The following TMEM134 variants were observed in gnomAD, a reference collection of about 807,000 sequenced individuals.
The protein encoded by TMEM134 is transmembrane protein 134.
A neutral mutation model predicts 26.2 loss-of-function variants in TMEM134; 36 were observed. That is an observed-to-expected ratio of 1.37 (90% CI 1.05 to 1.81). TMEM134 has a LOEUF of 1.81. Among genes scored for constraint, TMEM134 ranks in the 40% most tolerant of loss-of-function variants. The pLI is 0.00. For missense variants in TMEM134, 339 were observed against 263.5 expected, an observed-to-expected ratio of 1.29 and a Z score of -1.98; for synonymous variants, 133 against 113.6, an observed-to-expected ratio of 1.17 and a Z score of -1.08.
In TMEM134 at chr11:67,469,048, C is replaced by G. The variant is rs557106778; in HGVS notation, c.145G>C (p.Glu49Gln). The G allele has an allele frequency of 1.1e-5, 17 of 1,514,846 alleles. No individual in the cohort carries two copies. Among genetic ancestry groups the G allele is most frequent in the Non-Finnish European group, 1.2e-5 (14 of 1,132,996 alleles). 93.8% of individuals were successfully genotyped at this position (1,514,846 alleles called of 1,614,324 possible). ...TAGCGCAGCCGGGACTGCTTGTCCTCGTCAGCCACCTCGAACCGGGCCCGA... is the reference window on the plus strand; with the variant it reads ...TAGCGCAGCCGGGACTGCTTGTCCTGGTCAGCCACCTCGAACCGGGCCCGA... ...ERRARFEVAD[E>Q]DKQSRLRYQN... Residue 49 changes from glutamate to glutamine, a missense_variant, in exon 1 of 7, where the codon GAG (glutamate) becomes CAG (glutamine). Transcript: ENST00000308022.
intron 5 of TMEM134, 53 bp from the exon 6 acceptor site, chr11:67,464,909 C>A: frequency 6.3e-7 from 1 of 1,597,544 alleles, no homozygotes; most frequent in East Asian, 2.2e-5. Flanking sequence ...GCTTCGAGGC[C>A]TTCCGGGCTG....
chr11:67,465,103 G>A lies in TMEM134; in HGVS notation c.407-3C>T. The A allele has an allele frequency of 6.3e-7, 1 of 1,581,952 alleles. No homozygotes were observed. Among genetic ancestry groups the A allele is most frequent in the East Asian group, 2.3e-5 (1 of 44,262 alleles). ...TCCCACGCCGACCAGGATCAGCACT[G>A]CACACAGACGGAGCCGCGGGGGTGG... On this transcript the variant is annotated splice_region_variant and splice_polypyrimidine_tract_variant and intron_variant, in intron 4 of 6. Coordinates refer to ENST00000308022, the MANE Select transcript of TMEM134 (RefSeq NM_025124.4).
rs989272637 is a variant in TMEM134, at chr11:67,469,251, C to T, written c.-59G>A. The T allele has an allele frequency of 1.7e-6, 2 of 1,210,668 alleles. No individual in the cohort carries two copies. Among genetic ancestry groups the T allele is most frequent in the Non-Finnish European group, 2.1e-6 (2 of 969,854 alleles). 75.0% of individuals were successfully genotyped at this position (1,210,668 alleles called of 1,614,324 possible). A position where few individuals can be genotyped will look rare whatever the true frequency, so the allele number is the denominator to read the frequency against. On this transcript the variant is annotated 5_prime_UTR_variant, in exon 1 of 7. Coordinates refer to ENST00000308022, the MANE Select transcript of TMEM134 (RefSeq NM_025124.4). ...CCATCTGCGCCCACACACCCAGCGT[C>T]GCCGCTGCCCCGCCCCCGCATGCCC...
At chr11:67,468,113 C>A in intron 1 of TMEM134, 21 bp from the exon 2 acceptor site, 2 of 1,555,186 alleles carry the variant, frequency 1.3e-6, no homozygotes, top group South Asian at 1.2e-5. Flanking sequence ...ACACAGGTCT[C>A]AGGGGGGTTG....
chr11:67,467,411 G>C, intron 3 of TMEM134, 23 bp from the exon 4 acceptor site: 1 of 1,613,582 alleles, frequency 6.2e-7, no homozygotes. Context: ...AGAGCAGGGT[G>C]AATGTGAAGG....
chr11:67,466,877 G>C (rs1182653495), intron 4 of TMEM134: 2 of 209,332 alleles, frequency 9.6e-6, no homozygotes, highest in African/African-American at 2.4e-5. Flanking sequence ...GTGCCCTGCG[G>C]CTCTGCACTG....
At chr11:67,468,150 T>A (rs1865400171) in intron 1 of TMEM134, 58 bp from the exon 2 acceptor site, 2 of 1,491,086 alleles carry the variant, frequency 1.3e-6, no homozygotes, top group Non-Finnish European at 1.8e-6. Flanking sequence ...CCTCACTCCC[T>A]CCCGGGAAGA....
chr11:67,467,659 A>G (rs771737524), intron 2 of TMEM134, 69 bp from the exon 3 acceptor site: 204 of 1,480,214 alleles, frequency 1.4e-4, no homozygotes, highest in Non-Finnish European at 1.9e-4. Context: ...AGGAGTCCTG[A>G]TGAAGTGCAG....
At chr11:67,466,467 TGAG>T (rs2134229274) in intron 4 of TMEM134, 1 of 152,570 alleles carries the variant, frequency 6.6e-6, no homozygotes, top group East Asian at 1.9e-4. Flanking sequence ...CTTGCTGGGT[TGAG>T]GGGAAAAATG....
rs760753620 is a variant in TMEM134 at position 67,464,357 on chromosome 11, G to A, written c.*257C>T. The A allele has an allele frequency of 3.5e-6, 2 of 567,866 alleles. No homozygotes were observed. The highest frequency in any genetic ancestry group is 3.1e-6 in the Non-Finnish European group (1 of 317,646). The allele number at this position is 567,866 out of a possible 1,614,324, so 35.2% of individuals were successfully genotyped here. A position where few individuals can be genotyped will look rare whatever the true frequency, so the allele number is the denominator to read the frequency against. Reference sequence around the variant, plus strand: ...GACAGGAGGAGAGCAATTGCCTCTGGTGGAATTAATTACTCTTTTATTAGC... The same window carrying A: ...GACAGGAGGAGAGCAATTGCCTCTGATGGAATTAATTACTCTTTTATTAGC... On this transcript the variant is annotated 3_prime_UTR_variant, in exon 7 of 7. Coordinates refer to ENST00000308022, the MANE Select transcript of TMEM134 (RefSeq NM_025124.4).
intron 4 of TMEM134, chr11:67,465,368 G>T: frequency 4.6e-6 from 4 of 878,758 alleles, no homozygotes; most frequent in Non-Finnish European, 6.3e-6. Flanking sequence ...GCCTGGTACT[G>T]GGAATTCCGC....
chr11:67,465,015 C>G, intron 5 of TMEM134, 41 bp downstream of exon 5: 1 of 1,511,326 alleles, frequency 6.6e-7, no homozygotes, highest in African/African-American at 1.4e-5. Context: ...GGACACAAGA[C>G]AGGGGTGTCC....
Position 67,469,214 on chromosome 11 carries a change from C to A in TMEM134, c.-22G>T, listed in dbSNP as rs1269820193. 9 of 1,259,096 alleles carry A rather than the reference C, an allele frequency of 7.1e-6. No individual in the cohort carries two copies. The South Asian group carries it at 1.2e-4, about 17-fold the overall frequency. 78.0% of individuals were successfully genotyped at this position (1,259,096 alleles called of 1,614,324 possible). On this transcript the variant is annotated 5_prime_UTR_variant, in exon 1 of 7. Coordinates refer to ENST00000308022, the MANE Select transcript of TMEM134 (RefSeq NM_025124.4). ...TCATGGCCCCGGCCCGCTCAGGCGC[C>A]GTGCGCCGCCGCCATCTGCGCCCAC...
intron 2 of TMEM134, 83 bp from the exon 3 acceptor site, chr11:67,467,673 A>G: frequency 1.5e-6 from 2 of 1,371,372 alleles, no homozygotes; most frequent in South Asian, 2.3e-5. Flanking sequence ...AGTGCAGGGC[A>G]TGGTGCAGGG....
At chr11:67,467,637 T>C (rs1591024012) in intron 2 of TMEM134, 47 bp from the exon 3 acceptor site, 1 of 1,592,046 alleles carries the variant, frequency 6.3e-7, no homozygotes, top group African/African-American at 1.3e-5. Context: ...AAGGACGGGG[T>C]TGCTTTGGGA....
Position 67,464,635 on chromosome 11 carries a change from G to A in TMEM134, c.567C>T (p.Tyr189=), listed in dbSNP as rs200775196. 39 of 1,553,022 alleles carry A rather than the reference G, an allele frequency of 2.5e-5. No homozygotes were observed. In the East Asian group the frequency reaches 6.1e-4, roughly 24 times the overall value. ...GCGATCACTTCTCGAAGTAGGGCAGGTAGAAGAACTGGAAGCCCCGGTGGC... is the reference window on the plus strand; with the variant it reads ...GCGATCACTTCTCGAAGTAGGGCAGATAGAAGAACTGGAAGCCCCGGTGGC... The part of the protein sequence containing the change: ...VKGHRGFQFF[Y]LPYFEK Residue 189 remains tyrosine, a synonymous_variant, in exon 7 of 7, where the codon TAC becomes TAT. Coordinates refer to ENST00000308022, the MANE Select transcript of TMEM134 (RefSeq NM_025124.4).
Position 67,467,542 on chromosome 11 carries a change from G to A in TMEM134, c.288C>T (p.Thr96=), listed in dbSNP as rs771375266. 1 of 1,614,088 alleles carries A rather than the reference G, an allele frequency of 6.2e-7. No homozygotes were observed. The highest frequency in any genetic ancestry group is 1.1e-5 in the South Asian group (1 of 91,070). Residue 96 remains threonine (T), a synonymous_variant, in exon 3 of 7, where the codon ACC becomes ACT. Coordinates refer to ENST00000308022, the MANE Select transcript of TMEM134 (RefSeq NM_025124.4). ...AGGAGCGCTGGGTGCTGCTGCTGAT[G>A]GTGCTGAAGGACCACTGGGAGCTGC... ...SIRSSQWSFS[T]ISSSTQRSYN... is the part of the protein sequence containing the mutation.
At chr11:67,467,121 T>C (rs1865304317) in intron 4 of TMEM134, 191 bp downstream of exon 4, 1 of 606,576 alleles carries the variant, frequency 1.6e-6, no homozygotes, top group South Asian at 2.0e-5. Context: ...CTATGTGTGA[T>C]TTCCTGGCTG....
At chr11:67,464,878 G>T in intron 5 of TMEM134, 22 bp from the exon 6 acceptor site, 1 of 1,609,192 alleles carries the variant, frequency 6.2e-7, no homozygotes, top group Admixed American at 1.7e-5. Context: ...ACCAGAGCCC[G>T]GTCAGGGCGA....
Sources: allele counts gnomAD v4.1 joint callset, GRCh38; gene constraint gnomAD v4.1.1; transcripts MANE v1.5; gene names NCBI Gene and HGNC (gene_info 2026-07-23, HGNC 2026-07-21).